Variants in C12orf43 observed in about 807,000 individuals in gnomAD.
C12orf43 encodes the protein chromosome 12 open reading frame 43, also known as protein CUSTOS.
C12orf43 carries 15 observed loss-of-function variants against 20.6 expected under a neutral mutation model. The ratio of observed to expected loss-of-function variants is 0.73; its 90% confidence interval spans 0.49 to 1.12. The LOEUF is 1.12. Ranked by LOEUF, C12orf43 falls within the 50% of genes most tolerant of loss-of-function variation. The pLI is 0.00. For missense variants in C12orf43, 334 were observed against 344.4 expected (o/e 0.97, Z 0.24); for synonymous variants, 144 against 130.8 (o/e 1.10, Z -0.69).
rs769995434 is a variant in C12orf43 at position 121,003,973 on chromosome 12, CTT to C, written c.*178_*179del. On this transcript the variant is annotated 3_prime_UTR_variant, in exon 6 of 6. Transcript: ENST00000288757. ...GATTGGTCTTCTCACCCTACAGCCA[CTT>C]TTTTGGCCCAACTCTCGAGCAAGCC... is the stretch of plus-strand genomic sequence containing the variant. 1.0e-5 allele frequency: 7 copies of C among 686,686 alleles called. No individual in the cohort carries two copies. Among genetic ancestry groups the C allele is most frequent in the Non-Finnish European group, 1.8e-5 (7 of 399,806 alleles). The allele number at this position is 686,686 out of a possible 1,614,324, so 42.5% of individuals were successfully genotyped here.
At position 121,001,229 on chromosome 12, in the gene C12orf43, T is replaced by C. The variant is rs77223470; in HGVS notation, c.*2924A>G. 1.9e-6 allele frequency: 3 copies of C among 1,611,882 alleles called. No homozygotes were observed. The highest frequency in any genetic ancestry group is 2.2e-5 in the East Asian group (1 of 44,832). On this transcript the variant is annotated 3_prime_UTR_variant, in exon 6 of 6. Coordinates refer to ENST00000288757, the MANE Select transcript of C12orf43 (RefSeq NM_022895.3). ...GGGCCCTGGGGCCTGTACTGCCTGC[T>C]TGGGGGGTGATGAGGGCAGCAGCCA...
intron 3 of C12orf43, among the ~76,000 whole-genome samples, chr12:121,008,361 C>T (rs1878181854): frequency 6.6e-6 from 1 of 152,182 alleles, no homozygotes. Flanking sequence ...TCTCGAACTC[C>T]TGTCCTCAAA....
chr12:121,006,786 A>T (rs1234307217), intron 3 of C12orf43: 1 of 169,956 alleles, frequency 5.9e-6, no homozygotes, highest in Non-Finnish European at 1.3e-5. Context: ...AAATACAAAA[A>T]ATTAGCCGGG....
chr12:121,007,130 G>C (rs992254917), intron 3 of C12orf43: 8 of 152,062 alleles, frequency 5.3e-5, no homozygotes, highest in African/African-American at 1.9e-4. Context: ...CTAGAAAACT[G>C]GTTCAGAGGA....
Position 121,004,630 on chromosome 12 carries a change from G to C in C12orf43, c.453-141C>G. 1 of 823,668 alleles carries C rather than the reference G, an allele frequency of 1.2e-6. No individual in the cohort carries two copies. The highest frequency in any genetic ancestry group is 1.8e-5 in the South Asian group (1 of 56,268). The allele number at this position is 823,668 out of a possible 1,614,324, so 51.0% of individuals were successfully genotyped here. On this transcript the variant is annotated intron_variant, in intron 5 of 5. Coordinates refer to ENST00000288757, the MANE Select transcript of C12orf43 (RefSeq NM_022895.3). The surrounding 1 kb of genome is among the most constrained non-coding windows in gnomAD (Gnocchi z 5.6). ...GTAGTGAGTTCAGGCTTGGGAGTGA[G>C]GCCAACCTGGCTTCCAATACTGGCT...
intron 2 of C12orf43, 33 bp downstream of exon 2, chr12:121,011,071 A>T (rs752438120): frequency 3.7e-6 from 6 of 1,610,824 alleles, no homozygotes; most frequent in Non-Finnish European, 5.1e-6. Flanking sequence ...TATTTGTTGA[A>T]TAAGTGAAAC....
chr12:121,007,749 G>A (rs960607439), intron 3 of C12orf43, among the ~76,000 whole-genome samples: 2 of 152,158 alleles, frequency 1.3e-5, no homozygotes, highest in Non-Finnish European at 2.9e-5. Context: ...CAATGCCCTC[G>A]AGGCAGACGC....
At chr12:121,015,958 T>G (rs2135891779) in intron 1 of C12orf43, among the ~76,000 whole-genome samples, 1 of 152,314 alleles carries the variant, frequency 6.6e-6, no homozygotes, top group South Asian at 2.1e-4. Flanking sequence ...TGCTGGGCAC[T>G]GCTCTTGGCA....
Position 121,016,435 on chromosome 12 carries a change from T to C in C12orf43, c.40A>G (p.Ser14Gly). The stretch of plus-strand genomic sequence containing the variant: ...TCCTCCGCATCGCTACTGCTGTTAC[T>C]ACTTTCCGAATCGCTCACTGTGCCA... ...PSGTVSDSES[S>G]NSSSDAEELE... The change falls in exon 1 of 6, where the codon AGT (serine) becomes GGT (glycine). Residue 14 changes from serine (S) to glycine (G), a missense_variant. Ser to Gly is a moderately conservative substitution (Grantham distance 56). Transcript: ENST00000288757. The C allele has an allele frequency of 1.2e-6, 2 of 1,614,088 alleles. No homozygotes were observed. Among genetic ancestry groups the C allele is most frequent in the Non-Finnish European group, 1.7e-6 (2 of 1,180,030 alleles).
intron 1 of C12orf43, among the ~76,000 whole-genome samples, chr12:121,011,460 A>G (rs1375835279): frequency 1.3e-5 from 2 of 148,422 alleles, no homozygotes; most frequent in Non-Finnish European, 3.0e-5. Flanking sequence ...TAAAACTTAA[A>G]ATAGTTATAT....
Position 121,003,949 on chromosome 12 carries a change from A to G in C12orf43, c.*204T>C. Reference sequence around the variant, plus strand: ...TGGGAGCACAGAGGGGCAGGCCTTGATTGGTCTTCTCACCCTACAGCCACT... The same window carrying G: ...TGGGAGCACAGAGGGGCAGGCCTTGGTTGGTCTTCTCACCCTACAGCCACT... On this transcript the variant is annotated 3_prime_UTR_variant, in exon 6 of 6. Transcript: ENST00000288757. 1 of 616,418 alleles carries G rather than the reference A, an allele frequency of 1.6e-6. No homozygotes were observed. The allele number at this position is 616,418 out of a possible 1,614,324, so 38.2% of individuals were successfully genotyped here.
At chr12:121,007,757 C>T (rs11612787) in intron 3 of C12orf43, among the ~76,000 whole-genome samples, 2,080 of 152,268 alleles carry the variant, frequency 0.014, 19 homozygotes, top group Middle Eastern at 0.034. Flanking sequence ...TCGAGGCAGA[C>T]GCAGCAATGC....
rs1877759720 is a variant in C12orf43, at chr12:121,004,111, C to T, written c.*42G>A. 1.9e-6 allele frequency: 3 copies of T among 1,602,196 alleles called. No individual in the cohort carries two copies. The highest frequency in any genetic ancestry group is 2.6e-6 in the Non-Finnish European group (3 of 1,169,214). ...CTTGTCCCCAGGGTGGGGGGGACAC[C>T]TTGTCCTTGGAGCTGGCTGAGCCCT... On this transcript the variant is annotated 3_prime_UTR_variant, in exon 6 of 6. Coordinates refer to ENST00000288757, the MANE Select transcript of C12orf43 (RefSeq NM_022895.3). This position sits in a 1 kb window ranked among gnomAD's most constrained non-coding sequence, Gnocchi z 5.6.
rs1877789637 is a variant in C12orf43 at position 121,004,292 on chromosome 12, G to A, written c.650C>T (p.Thr217Ile). The change falls in exon 6 of 6, where the codon ACA becomes ATA. Residue 217 changes from threonine to isoleucine, a missense_variant. Physicochemically the swap from Thr to Ile is moderately conservative, Grantham distance 89 (BLOSUM62 -1). Coordinates refer to ENST00000288757, the MANE Select transcript of C12orf43 (RefSeq NM_022895.3). The surrounding 1 kb of genome is among the most constrained non-coding windows in gnomAD (Gnocchi z 5.6). ...CTCACCTGACTTCTGCTTCTGGACT[G>A]TGGCCATGCTGGTGGGGGTGGTGGC... ...VAATTPTSMA[T>I]VQKQKSGELN... The A allele has an allele frequency of 6.2e-7, 1 of 1,614,240 alleles. No individual in the cohort carries two copies. The highest frequency in any genetic ancestry group is 1.3e-5 in the African/African-American group (1 of 75,054).
intron 1 of C12orf43, among the ~76,000 whole-genome samples, chr12:121,011,643 AATACCTAATAAGTGACAGG>A (rs1189949995): frequency 6.6e-6 from 1 of 152,304 alleles, no homozygotes; most frequent in Non-Finnish European, 1.5e-5. Context: ...GCCAGAGTCA[AATACCTAATAAGTGACAGG>A]GTTGGGCTGG....
rs150493565 is a variant in C12orf43 at position 121,004,204 on chromosome 12, C to A, written c.738G>T (p.Glu246Asp). ...TCTTTGCTGGTGGGAATGGAGAGGT[C>A]TCGCTGGCCTTCTTTGCCTTTTTCT... The part of the protein sequence containing the change: ...KKKKKAKKAS[E>D]TSPFPPAKSA... Residue 246 changes from glutamate to aspartate, a missense_variant, in exon 6 of 6, where the codon GAG becomes GAT. Glu to Asp is a conservative substitution (Grantham distance 45, BLOSUM62 2). Coordinates refer to ENST00000288757, the MANE Select transcript of C12orf43 (RefSeq NM_022895.3). The surrounding 1 kb of genome is among the most constrained non-coding windows in gnomAD (Gnocchi z 5.6). The A allele has an allele frequency of 6.2e-7, 1 of 1,614,218 alleles. No individual in the cohort carries two copies.
chr12:121,001,068 C>T lies in C12orf43; in HGVS notation c.*3085G>A, dbSNP rs2135854390. On this transcript the variant is annotated 3_prime_UTR_variant, in exon 6 of 6. Coordinates refer to ENST00000288757, the MANE Select transcript of C12orf43 (RefSeq NM_022895.3). Reference sequence around the variant, plus strand: ...GCAGCCTTGTTTGCCTCTGCAGTGTCCTCCAGCAGCCTGGTGCTGTACCAG... The same window carrying T: ...GCAGCCTTGTTTGCCTCTGCAGTGTTCTCCAGCAGCCTGGTGCTGTACCAG... The T allele has an allele frequency of 6.2e-7, 1 of 1,613,374 alleles. No individual in the cohort carries two copies. The highest frequency in any genetic ancestry group is 8.5e-7 in the Non-Finnish European group (1 of 1,179,844).
chr12:121,004,559 C>A lies in C12orf43; in HGVS notation c.453-70G>T. On this transcript the variant is annotated intron_variant, in intron 5 of 5. Coordinates refer to ENST00000288757, the MANE Select transcript of C12orf43 (RefSeq NM_022895.3). This position sits in a 1 kb window ranked among gnomAD's most constrained non-coding sequence, Gnocchi z 5.6. ...CAGCCCCAGAGCTGCCTCTCGCTGTCCTCCCTTGGTCCAGGTCACCAGAAG... is the reference window on the plus strand; with the variant it reads ...CAGCCCCAGAGCTGCCTCTCGCTGTACTCCCTTGGTCCAGGTCACCAGAAG... 6.8e-7 allele frequency: 1 copy of A among 1,462,534 alleles called. No homozygotes were observed. 90.6% of individuals were successfully genotyped at this position (1,462,534 alleles called of 1,614,324 possible). A position where few individuals can be genotyped will look rare whatever the true frequency, so the allele number is the denominator to read the frequency against.
chr12:121,007,133 T>C (rs1210928490), intron 3 of C12orf43: 1 of 152,134 alleles, frequency 6.6e-6, no homozygotes, highest in South Asian at 2.1e-4. Context: ...GAAAACTGGT[T>C]CAGAGGACAG....
Sources: allele counts gnomAD v4.1 joint callset (sites outside exome capture counted in the v4.1 genomes callset), GRCh38; gene constraint gnomAD v4.1.1; non-coding constraint Gnocchi (gnomAD v3.1); transcripts MANE v1.5; gene names NCBI Gene and HGNC (gene_info 2026-07-23, HGNC 2026-07-21).